The following GFM2 variants were observed in gnomAD, a reference collection of about 807,000 sequenced individuals.
GFM2 encodes ribosome-releasing factor 2, mitochondrial.
In GFM2, 72 loss-of-function variants were observed where a neutral mutation model predicts 95.4. That is an observed-to-expected ratio of 0.76 (90% CI 0.62 to 0.92). The LOEUF (loss-of-function observed/expected upper bound fraction) is 0.92. Ranked by LOEUF, GFM2 falls within the 40% of genes least tolerant of loss-of-function variation. GFM2 has a pLI of 0.00. For missense variants in GFM2, 825 were observed against 924.1 expected, an observed-to-expected ratio of 0.89 and a Z score of 1.39; for synonymous variants, 276 against 317.5, an observed-to-expected ratio of 0.87 and a Z score of 1.39.
chr5:74,751,410 A>G lies in GFM2; in HGVS notation c.388T>C (p.Phe130Leu). The change falls in exon 6 of 21, where the codon TTT becomes CTT. Residue 130 changes from phenylalanine to leucine, a missense_variant. Physicochemically the swap from Phe to Leu is conservative, Grantham distance 22 (BLOSUM62 0). Coordinates refer to ENST00000296805, the MANE Select transcript of GFM2 (RefSeq NM_032380.5). ...TTGACTCTATAACCTTTCCAATCAA[A>G]TGTAACAGCAGCTGATTGAATAGTA... is the stretch of plus-strand genomic sequence containing the variant. Reference protein sequence around the residue: ...GITIQSAAVTFDWKGYRVNLI... With the variant: ...GITIQSAAVTLDWKGYRVNLI... The G allele has an allele frequency of 6.2e-7, 1 of 1,611,906 alleles. No individual in the cohort carries two copies. The highest frequency in any genetic ancestry group is 8.5e-7 in the Non-Finnish European group (1 of 1,178,014).
At chr5:74,752,343 T>A (rs1052545579) in intron 5 of GFM2, among the ~76,000 whole-genome samples, 6 of 152,184 alleles carry the variant, frequency 3.9e-5, no homozygotes, top group African/African-American at 1.4e-4. Flanking sequence ...TACCATTTAT[T>A]TCAGCATTAA....
rs963678962 is a variant in GFM2 at position 74,721,841 on chromosome 5, C to T, written c.2212-58G>A. On this transcript the variant is annotated intron_variant, in intron 20 of 20. Transcript: ENST00000296805. Reference sequence around the variant, plus strand: ...CAAATTTAAGCCTCAAGTTTCTCTTCCTGCTGATTATCTTTTGACTATTAG... The same window carrying T: ...CAAATTTAAGCCTCAAGTTTCTCTTTCTGCTGATTATCTTTTGACTATTAG... 1.0e-5 allele frequency: 15 copies of T among 1,499,846 alleles called. No individual in the cohort carries two copies. The African/African-American group carries it at 2.1e-4, about 21-fold the overall frequency. 92.9% of individuals were successfully genotyped at this position (1,499,846 alleles called of 1,614,324 possible).
chr5:74,753,513 C>T (rs1011397173), intron 5 of GFM2, among the ~76,000 whole-genome samples: 25 of 152,084 alleles, frequency 1.6e-4, no homozygotes, highest in African/African-American at 6.0e-4. Flanking sequence ...GGGAGAATTG[C>T]TTGAACCTGG....
chr5:74,741,771 T>C, intron 10 of GFM2, 162 bp from the exon 11 acceptor site: 2 of 442,590 alleles, frequency 4.5e-6, no homozygotes, highest in Non-Finnish European at 4.1e-6. Flanking sequence ...GAAAAATGTT[T>C]TTCTTTGAAA....
intron 17 of GFM2, 43 bp downstream of exon 17, chr5:74,730,209 AAGAAAGAC>A (rs1473834447): frequency 1.3e-6 from 2 of 1,533,900 alleles, no homozygotes; most frequent in African/African-American, 2.8e-5. Context: ...TAAATAGAGA[AAGAAAGAC>A]AGAAAGAGAG....
chr5:74,762,578 C>A (rs1744338328), intron 2 of GFM2, among the ~76,000 whole-genome samples: 1 of 152,172 alleles, frequency 6.6e-6, no homozygotes, highest in Admixed American at 6.5e-5. Flanking sequence ...AGAATGTTCA[C>A]CTTTTCACTT....
Position 74,721,686 on chromosome 5 carries a change from G to A in GFM2, c.2309C>T (p.Thr770Ile), listed in dbSNP as rs765896893. ...YQAMNPQDQN[T>I]LLNRRSGLT Reference sequence around the variant, plus strand: ...CAAACCACTTCTCCGGTTGAGCAGTGTATTTTGATCTTGAGGATTCATGGC... The same window carrying A: ...CAAACCACTTCTCCGGTTGAGCAGTATATTTTGATCTTGAGGATTCATGGC... Residue 770 changes from threonine (T) to isoleucine (I), a missense_variant, in exon 21 of 21, where the codon ACA becomes ATA. Physicochemically the swap from Thr to Ile is moderately conservative, Grantham distance 89. Transcript: ENST00000296805. 1.9e-6 allele frequency: 3 copies of A among 1,613,662 alleles called. No individual in the cohort carries two copies. The highest frequency in any genetic ancestry group is 2.5e-6 in the Non-Finnish European group (3 of 1,179,834).
At chr5:74,739,848 CTA>C (rs1025419004) in intron 12 of GFM2, 139 bp downstream of exon 12, 17 of 570,116 alleles carry the variant, frequency 3.0e-5, no homozygotes, top group East Asian at 1.3e-4. Context: ...GCAAAAATTA[CTA>C]TGATTCCTTA....
intron 15 of GFM2, among the ~76,000 whole-genome samples, chr5:74,735,698 A>G (rs954465632): frequency 4.6e-5 from 7 of 152,210 alleles, no homozygotes; most frequent in African/African-American, 1.7e-4. Context: ...AAAAAAGAGC[A>G]CGGTACCTTC....
At position 74,738,318 on chromosome 5, in the gene GFM2, A is replaced by G; in HGVS notation, c.1320T>C (p.His440=). 6.2e-7 allele frequency: 1 copy of G among 1,605,948 alleles called. No homozygotes were observed. Among genetic ancestry groups the G allele is most frequent in the Non-Finnish European group, 8.5e-7 (1 of 1,176,054 alleles). The part of the protein sequence containing the change: ...GNIALTVGLK[H]TATGDTIVSS... ...CTAGAGAAATCATTTGGTCACTTAC[A>G]TGTTTAAGCCCAACAGTCAAAGCAA... The change falls in exon 14 of 21, where the codon CAT becomes CAC. Residue 440 remains histidine (H), a splice_region_variant and synonymous_variant. Coordinates refer to ENST00000296805, the MANE Select transcript of GFM2 (RefSeq NM_032380.5).
At chr5:74,748,862 T>G (rs1402070918) in intron 7 of GFM2, among the ~76,000 whole-genome samples, 1 of 93,250 alleles carries the variant, frequency 1.1e-5, no homozygotes, top group Non-Finnish European at 2.0e-5. Flanking sequence ...GAGACTCCTG[T>G]CTCAAAATAA....
At chr5:74,751,689 C>A (rs1009637300) in intron 5 of GFM2, among the ~76,000 whole-genome samples, 196 bp from the exon 6 acceptor site, 3 of 152,138 alleles carry the variant, frequency 2.0e-5, no homozygotes, top group Admixed American at 6.5e-5. Flanking sequence ...GTAACTTTGC[C>A]ATAAAAGGAA....
chr5:74,764,974 CG>C, intron 1 of GFM2: 1 of 225,396 alleles, frequency 4.4e-6, no homozygotes, highest in Non-Finnish European at 9.0e-6. Flanking sequence ...TTAGTAGAGA[CG>C]GGGTTTCGCC....
At chr5:74,755,900 A>G (rs1045933238) in intron 5 of GFM2, among the ~76,000 whole-genome samples, 1 of 152,144 alleles carries the variant, frequency 6.6e-6, no homozygotes, top group Non-Finnish European at 1.5e-5. Flanking sequence ...GAAAAGACAC[A>G]ACAAAAAAAG....
At chr5:74,722,853 A>G (rs191303127) in intron 19 of GFM2, among the ~76,000 whole-genome samples, 6 of 152,178 alleles carry the variant, frequency 3.9e-5, no homozygotes, top group South Asian at 2.1e-4. Flanking sequence ...TCATATTTAA[A>G]CCTCATGTTT....
chr5:74,759,026 G>A, intron 4 of GFM2, 80 bp from the exon 5 acceptor site: 1 of 808,774 alleles, frequency 1.2e-6, no homozygotes, highest in Non-Finnish European at 2.1e-6. Flanking sequence ...TTTCAAAGCT[G>A]GTATTTCTAT....
At chr5:74,763,857 G>T in intron 1 of GFM2, 91 bp from the exon 2 acceptor site, 3 of 627,814 alleles carry the variant, frequency 4.8e-6, no homozygotes, top group South Asian at 2.4e-5. Context: ...TAATATGTAT[G>T]GTAAAATGTA....
chr5:74,758,695 G>C (rs1744120307), intron 5 of GFM2, among the ~76,000 whole-genome samples, 154 bp downstream of exon 5: 1 of 152,170 alleles, frequency 6.6e-6, no homozygotes, highest in Non-Finnish European at 1.5e-5. Context: ...AGACCCTTTG[G>C]TGGGTATTGC....
chr5:74,732,758 T>C (rs894444148), intron 16 of GFM2, among the ~76,000 whole-genome samples: 1 of 152,184 alleles, frequency 6.6e-6, no homozygotes, highest in Non-Finnish European at 1.5e-5. Context: ...CAAAAAGCTG[T>C]CTTCAGGAAT....
Sources: gnomAD v4.1 joint callset for allele counts (sites outside exome capture counted in the v4.1 genomes callset) on GRCh38, gnomAD v4.1.1 for gene constraint, MANE v1.5 for transcripts, NCBI Gene and HGNC (gene_info 2026-07-23, HGNC 2026-07-21) for gene names.